Variants in ZNF487 observed in about 807,000 individuals in gnomAD.
ZNF487 encodes zinc finger protein 487, also known as KRAB domain only 1.
Under a neutral mutation model 3.0 loss-of-function variants are expected in ZNF487, and 4 were observed. The ratio of observed to expected loss-of-function variants is 1.35; its 90% confidence interval spans 0.66 to 3.08. ZNF487 has a LOEUF of 3.08. ZNF487 is among the 30% of genes most tolerant of loss of function. The probability of loss-of-function intolerance (pLI) is 0.01; values close to 1 mark genes in which losing one functional copy is unlikely to be tolerated. For synonymous variants in ZNF487, 55 were observed against 34.6 expected (o/e 1.59, Z -2.06); for missense variants, 146 against 98.7 (o/e 1.48, Z -2.03).
the ZNF487 span, among the ~76,000 whole-genome samples, chr10:43,493,687 C>CAAAAAAAAAAA: frequency 1.3e-3 from 17 of 13,500 alleles, 4 homozygotes; most frequent in South Asian, 3.3e-3. Flanking sequence ...GACCCTTCCT[C>CAAAAAAAAAAA]AAAAAAAGAA....
chr10:43,500,149 A>G, the ZNF487 span, among the ~76,000 whole-genome samples: 1 of 152,114 alleles, frequency 6.6e-6, no homozygotes, highest in Non-Finnish European at 1.5e-5. Flanking sequence ...TGCTGGGATT[A>G]CAGGCATGAG....
Position 43,482,876 on chromosome 10 carries a change from C to A in ZNF487, c.*954C>A. On this transcript the variant is annotated 3_prime_UTR_variant, in exon 4 of 4. Coordinates refer to ENST00000437590, the MANE Select transcript of ZNF487 (RefSeq NM_001355444.3). ...AAATGTTCTACCACAAGTCATCCCT[C>A]ACAGTACATCAGAGAACCCACACAG... 1 of 530,428 alleles carries A rather than the reference C, an allele frequency of 1.9e-6. No individual in the cohort carries two copies. Among genetic ancestry groups the A allele is most frequent in the South Asian group, 1.4e-5 (1 of 71,552 alleles). The allele number at this position is 530,428 out of a possible 1,614,324, so 32.9% of individuals were successfully genotyped here.
intron 3 of ZNF487, among the ~76,000 whole-genome samples, chr10:43,477,893 T>C (rs1841162717): frequency 6.7e-6 from 1 of 149,186 alleles, no homozygotes; most frequent in Non-Finnish European, 1.5e-5. Context: ...GACGTTGGAG[T>C]GAGCAGAGAT....
chr10:43,459,048 G>A (rs1031681966), intron 1 of ZNF487, among the ~76,000 whole-genome samples: 4 of 152,054 alleles, frequency 2.6e-5, no homozygotes, highest in African/African-American at 4.8e-5. Context: ...TTTAGTGCTT[G>A]CCTTAATTGA....
chr10:43,500,990 G>T, the ZNF487 span, among the ~76,000 whole-genome samples: 1 of 152,170 alleles, frequency 6.6e-6, no homozygotes, highest in African/African-American at 2.4e-5. Context: ...GGACATGTTA[G>T]GCAACTTCAT....
intron 1 of ZNF487, among the ~76,000 whole-genome samples, chr10:43,459,575 TA>T (rs906612814): frequency 4.6e-5 from 7 of 151,620 alleles, no homozygotes; most frequent in East Asian, 3.9e-4. Flanking sequence ...ATTGAACTTT[TA>T]AAAAAAAATT....
At chr10:43,440,902 T>C (rs1839575767) in intron 1 of ZNF487, among the ~76,000 whole-genome samples, 1 of 152,008 alleles carries the variant, frequency 6.6e-6, no homozygotes, top group Admixed American at 6.6e-5. Context: ...AGAGTCACTG[T>C]GTTGCCTAGG....
At chr10:43,448,811 C>T (rs2819027) in intron 1 of ZNF487, among the ~76,000 whole-genome samples, 8,891 of 150,384 alleles carry the variant, frequency 0.059, 378 homozygotes, top group Non-Finnish European at 0.091. Flanking sequence ...AGGAAGACTC[C>T]GTTTCAAAAA....
At chr10:43,510,750 GT>G in the ZNF487 span, among the ~76,000 whole-genome samples, 20 of 152,286 alleles carry the variant, frequency 1.3e-4, no homozygotes, top group African/African-American at 4.8e-4. Flanking sequence ...GTTTCACCAT[GT>G]TGGTCAGGCT....
At chr10:43,489,492 T>C in the ZNF487 span, among the ~76,000 whole-genome samples, 1 of 152,146 alleles carries the variant, frequency 6.6e-6, no homozygotes, top group East Asian at 1.9e-4. Context: ...TAGCTGAGTT[T>C]ATAGGCGCCG....
chr10:43,464,490 T>C (rs1457948033), intron 1 of ZNF487, among the ~76,000 whole-genome samples: 3 of 152,116 alleles, frequency 2.0e-5, no homozygotes, highest in Admixed American at 2.0e-4. Flanking sequence ...AACAAAGGTC[T>C]CTGGTTTTCC....
chr10:43,486,108 G>A (rs1033719854), downstream of ZNF487, among the ~76,000 whole-genome samples: 1 of 152,054 alleles, frequency 6.6e-6, no homozygotes, highest in African/African-American at 2.4e-5. Context: ...AAGATTCAGA[G>A]CAAAACCAAA....
chr10:43,455,625 T>TGGCGC (rs1363093201), intron 1 of ZNF487, among the ~76,000 whole-genome samples: 1 of 152,212 alleles, frequency 6.6e-6, no homozygotes, highest in Non-Finnish European at 1.5e-5. Context: ...TCTAGGTCCG[T>TGGCGC]GGCGCGGCGC....
chr10:43,477,944 C>T (rs1395441522), intron 3 of ZNF487, among the ~76,000 whole-genome samples: 1 of 150,090 alleles, frequency 6.7e-6, no homozygotes, highest in Admixed American at 6.7e-5. Context: ...GAGCGAGACT[C>T]CATCTCGAAA....
intron 1 of ZNF487, among the ~76,000 whole-genome samples, chr10:43,447,943 G>C (rs571292636): frequency 6.6e-6 from 1 of 151,584 alleles, no homozygotes; most frequent in African/African-American, 2.4e-5. Context: ...CTATCTCTTA[G>C]GGATTACTCT....
the ZNF487 span, among the ~76,000 whole-genome samples, chr10:43,497,431 G>A: frequency 1.1e-4 from 16 of 152,172 alleles, no homozygotes; most frequent in African/African-American, 3.4e-4. Context: ...AGAAGTGACA[G>A]GATCTGACTC....
intron 1 of ZNF487, among the ~76,000 whole-genome samples, chr10:43,464,254 G>A (rs1840562432): frequency 1.3e-5 from 2 of 151,442 alleles, no homozygotes; most frequent in South Asian, 4.2e-4. Flanking sequence ...CATGATCTTG[G>A]CTCACTGAAA....
intron 1 of ZNF487, among the ~76,000 whole-genome samples, chr10:43,465,741 C>T (rs534521286): frequency 4.7e-5 from 7 of 147,438 alleles, no homozygotes; most frequent in African/African-American, 7.6e-5. Flanking sequence ...ACATCCCAGA[C>T]GATGGGCGGC....
chr10:43,450,847 G>A (rs2259045), intron 1 of ZNF487, among the ~76,000 whole-genome samples: 70,341 of 152,008 alleles, frequency 0.46, 18,618 homozygotes, highest in East Asian at 0.73. Context: ...CTATTTCCTC[G>A]TCTCTAAAGG....
Sources: allele counts gnomAD v4.1 joint callset (sites outside exome capture counted in the v4.1 genomes callset), GRCh38; gene constraint gnomAD v4.1.1; transcripts MANE v1.5; gene names NCBI Gene and HGNC (gene_info 2026-07-23, HGNC 2026-07-21).